The following USH2A variants were observed in gnomAD, a reference collection of about 807,000 sequenced individuals.
The protein encoded by USH2A is usherin.
A neutral mutation model predicts 538.9 loss-of-function variants in USH2A; 443 were observed. The observed-to-expected ratio is 0.82, with a 90% CI of 0.76 to 0.89. The LOEUF is 0.89. Ranked by LOEUF, USH2A falls within the 40% of genes least tolerant of loss-of-function variation. USH2A has a pLI of 0.00. For synonymous variants in USH2A, 2,413 were observed against 2,273.5 expected, an observed-to-expected ratio of 1.06 and a Z score of -1.75; for missense variants, 6,633 against 6,324.8, an observed-to-expected ratio of 1.05 and a Z score of -1.65.
At chr1:215,982,049 C>A (rs1280940948) in intron 35 of USH2A, among the ~76,000 whole-genome samples, 1 of 152,182 alleles carries the variant, frequency 6.6e-6, no homozygotes, top group Admixed American at 6.5e-5. Flanking sequence ...GTCTCCTGTT[C>A]TGGGAACTAT....
chr1:216,235,020 T>G (rs569638128), intron 13 of USH2A, among the ~76,000 whole-genome samples: 6 of 152,240 alleles, frequency 3.9e-5, no homozygotes, highest in African/African-American at 1.4e-4. Flanking sequence ...CACCAGTATT[T>G]TAGCTGTCCT....
chr1:216,038,433 A>G (rs1228269648), intron 32 of USH2A, among the ~76,000 whole-genome samples: 2 of 152,028 alleles, frequency 1.3e-5, no homozygotes, highest in East Asian at 3.9e-4. Flanking sequence ...TTTGGTGGAA[A>G]AAATTGAAAT....
intron 32 of USH2A, among the ~76,000 whole-genome samples, chr1:216,033,225 T>C (rs1669170272): frequency 6.6e-6 from 1 of 152,220 alleles, no homozygotes. Context: ...TTGTATGCAC[T>C]CAATGCTAAG....
At chr1:216,108,404 CT>C (rs551783781) in intron 21 of USH2A, among the ~76,000 whole-genome samples, 3,756 of 148,098 alleles carry the variant, frequency 0.025, 173 homozygotes, top group African/African-American at 0.085. Context: ...TTTCCATAAT[CT>C]TTTTTTTTTA....
At chr1:216,386,543 A>C (rs1288751367) in intron 3 of USH2A, among the ~76,000 whole-genome samples, 2 of 4,040 alleles carry the variant, frequency 5.0e-4, no homozygotes, top group East Asian at 0.056. Flanking sequence ...CCAAAAAACT[A>C]TATATATATA....
At chr1:216,381,973 C>A (rs546523778) in intron 3 of USH2A, among the ~76,000 whole-genome samples, 4 of 152,298 alleles carry the variant, frequency 2.6e-5, no homozygotes, top group Admixed American at 1.3e-4. Flanking sequence ...CAGACCTGGG[C>A]AATTCAATTC....
chr1:215,644,434 C>T (rs1280676720), intron 67 of USH2A, among the ~76,000 whole-genome samples: 2 of 151,986 alleles, frequency 1.3e-5, no homozygotes, highest in Non-Finnish European at 2.9e-5. Flanking sequence ...ATGAACTCAC[C>T]TGATGAGGGA....
At chr1:216,015,894 G>T (rs903777959) in intron 32 of USH2A, among the ~76,000 whole-genome samples, 1 of 152,140 alleles carries the variant, frequency 6.6e-6, no homozygotes, top group Non-Finnish European at 1.5e-5. Context: ...ACATGCATAC[G>T]TATGTTTATT....
At chr1:216,255,452 C>T (rs1459474404) in intron 11 of USH2A, among the ~76,000 whole-genome samples, 7 of 152,132 alleles carry the variant, frequency 4.6e-5, no homozygotes, top group Non-Finnish European at 1.0e-4. Context: ...GTTCAAAATA[C>T]TTCTTAATTC....
chr1:215,655,831 G>A (rs1657233957), intron 64 of USH2A, among the ~76,000 whole-genome samples: 2 of 150,800 alleles, frequency 1.3e-5, no homozygotes, highest in Non-Finnish European at 2.9e-5. Flanking sequence ...CACCTCCTGG[G>A]TTCAAGTGAT....
At chr1:216,043,236 A>G (rs1429899065) in intron 32 of USH2A, among the ~76,000 whole-genome samples, 1 of 152,110 alleles carries the variant, frequency 6.6e-6, no homozygotes, top group African/African-American at 2.4e-5. Context: ...TTCTTAACCC[A>G]TCTAGGTCTC....
intron 21 of USH2A, among the ~76,000 whole-genome samples, chr1:216,158,026 A>G (rs1445007299): frequency 6.6e-6 from 1 of 152,178 alleles, no homozygotes; most frequent in African/African-American, 2.4e-5. Context: ...TTTACTCACT[A>G]ACAGGTTATA....
At chr1:215,953,434 G>A (rs1187795664) in intron 37 of USH2A, among the ~76,000 whole-genome samples, 1 of 152,032 alleles carries the variant, frequency 6.6e-6, no homozygotes, top group Non-Finnish European at 1.5e-5. Context: ...TCTGATCTTT[G>A]GCAAACCTGA....
At chr1:216,237,596 C>T (rs530285519) in intron 13 of USH2A, among the ~76,000 whole-genome samples, 3 of 151,710 alleles carry the variant, frequency 2.0e-5, no homozygotes, top group Non-Finnish European at 4.4e-5. Flanking sequence ...GGCTCTTCTA[C>T]TTAATTAGAT....
intron 4 of USH2A, among the ~76,000 whole-genome samples, chr1:216,352,042 T>C (rs558814538): frequency 6.6e-6 from 1 of 152,232 alleles, no homozygotes; most frequent in Admixed American, 6.5e-5. Context: ...GAAATGTAAA[T>C]TAAACATTCA....
intron 11 of USH2A, among the ~76,000 whole-genome samples, chr1:216,283,107 G>A (rs2036813647): frequency 6.6e-6 from 1 of 152,060 alleles, no homozygotes; most frequent in South Asian, 2.1e-4. Flanking sequence ...GTTGTTGTTA[G>A]ATGTAGTCTC....
At chr1:216,238,900 G>C (rs1361335621) in intron 13 of USH2A, among the ~76,000 whole-genome samples, 1 of 152,076 alleles carries the variant, frequency 6.6e-6, no homozygotes, top group East Asian at 1.9e-4. Flanking sequence ...TCACACACCA[G>C]CATGCTGTCT....
chr1:216,418,192 G>A (rs1159275015), intron 3 of USH2A, among the ~76,000 whole-genome samples: 1 of 152,008 alleles, frequency 6.6e-6, no homozygotes, highest in Admixed American at 6.6e-5. Flanking sequence ...GACATCAAAT[G>A]AGCCCTTACA....
chr1:216,044,541 A>G (rs1019894000), intron 32 of USH2A, among the ~76,000 whole-genome samples: 2 of 152,158 alleles, frequency 1.3e-5, no homozygotes, highest in Admixed American at 6.6e-5. Context: ...CAGTTTTTAC[A>G]ATGAACTCTG....
Sources: gnomAD v4.1 joint callset for allele counts (sites outside exome capture counted in the v4.1 genomes callset) on GRCh38, gnomAD v4.1.1 for gene constraint, MANE v1.5 for transcripts, NCBI Gene and HGNC (gene_info 2026-07-23, HGNC 2026-07-21) for gene names.